LRRC49: variants seen among roughly 807,000 people sequenced by gnomAD.
LRRC49 encodes leucine-rich repeat-containing protein 49.
Under a neutral mutation model 83.3 loss-of-function variants are expected in LRRC49, and 50 were observed. The ratio of observed to expected loss-of-function variants is 0.60; its 90% CI spans 0.48 to 0.76. The LOEUF is 0.76. Ranked by LOEUF, LRRC49 falls within the 30% of genes least tolerant of loss-of-function variation. The pLI is 0.00. For synonymous variants in LRRC49, 286 were observed against 283.3 expected (o/e 1.01, Z -0.10); for missense variants, 704 against 809.1 (o/e 0.87, Z 1.58).
chr15:70,903,543 CTT>C (rs1486029437), intron 4 of LRRC49, among the ~76,000 whole-genome samples: 1 of 151,636 alleles, frequency 6.6e-6, no homozygotes, highest in Non-Finnish European at 1.5e-5. Context: ...TCTTTTTTCT[CTT>C]TATCAGGAAG....
chr15:71,019,271 C>G (rs1233802270), intron 14 of LRRC49, among the ~76,000 whole-genome samples: 2 of 152,136 alleles, frequency 1.3e-5, no homozygotes, highest in African/African-American at 4.8e-5. Context: ...AGTGACCAGC[C>G]CCCATCCTGA....
intron 5 of LRRC49, among the ~76,000 whole-genome samples, chr15:70,910,517 T>C (rs771204727): frequency 6.6e-6 from 1 of 152,154 alleles, no homozygotes; most frequent in Non-Finnish European, 1.5e-5. Flanking sequence ...GATAAATATA[T>C]GGTGATAAAG....
At chr15:70,892,609 C>T (rs755317145), upstream of LRRC49, 109 of 1,456,030 alleles carry the variant, frequency 7.5e-5, no homozygotes, top group Middle Eastern at 3.3e-3. Context: ...GTGTGGCCAG[C>T]CTCTTCCCCA....
chr15:70,892,616 C>T (rs1385565824), upstream of LRRC49: 14 of 1,450,860 alleles, frequency 9.6e-6, no homozygotes, highest in African/African-American at 5.7e-5. Flanking sequence ...CAGCCTCTTC[C>T]CCAGCTTATC....
At chr15:70,922,004 A>G (rs1191223170) in intron 7 of LRRC49, among the ~76,000 whole-genome samples, 1 of 152,174 alleles carries the variant, frequency 6.6e-6, no homozygotes, top group Non-Finnish European at 1.5e-5. Context: ...GAAGTGTCTT[A>G]TATCCAAAAG....
intron 11 of LRRC49, among the ~76,000 whole-genome samples, chr15:71,001,708 G>C (rs1200333786): frequency 6.7e-6 from 1 of 149,354 alleles, no homozygotes; most frequent in Non-Finnish European, 1.5e-5. Context: ...TTTTTTTTGT[G>C]AGACGGAGTC....
intron 11 of LRRC49, among the ~76,000 whole-genome samples, chr15:71,007,036 T>A (rs1010657450): frequency 6.6e-6 from 1 of 152,040 alleles, no homozygotes; most frequent in East Asian, 1.9e-4. Context: ...TAATAATCAT[T>A]GTCTTAAGTG....
intron 1 of LRRC49, chr15:70,853,912 C>T (rs2141063452): frequency 7.3e-7 from 1 of 1,374,724 alleles, no homozygotes; most frequent in East Asian, 3.1e-5. Flanking sequence ...TCGGCTCCTC[C>T]TCGCTCGCGC....
intron 9 of LRRC49, among the ~76,000 whole-genome samples, chr15:70,969,649 T>G (rs2036920447): frequency 6.6e-6 from 1 of 152,166 alleles, no homozygotes; most frequent in Admixed American, 6.5e-5. Context: ...TGTCCTCTCT[T>G]ATTTCCTTGA....
intron 2 of LRRC49, among the ~76,000 whole-genome samples, chr15:70,873,480 A>C (rs957321640): frequency 2.0e-5 from 3 of 152,112 alleles, no homozygotes; most frequent in Non-Finnish European, 4.4e-5. Flanking sequence ...AAATACAACC[A>C]TTGATTCATC....
At chr15:70,987,083 G>T (rs965309298) in intron 11 of LRRC49, among the ~76,000 whole-genome samples, 8 of 152,248 alleles carry the variant, frequency 5.3e-5, no homozygotes, top group African/African-American at 1.9e-4. Context: ...CAAGGATATT[G>T]GTCTAAAATT....
chr15:70,939,835 AT>A (rs1266387496), intron 8 of LRRC49, among the ~76,000 whole-genome samples: 11 of 146,368 alleles, frequency 7.5e-5, no homozygotes, highest in Non-Finnish European at 1.6e-4. Flanking sequence ...ATCACTGAAA[AT>A]TTTAAACTAG....
At chr15:70,892,757 T>C, upstream of LRRC49, 1 of 1,569,828 alleles carries the variant, frequency 6.4e-7, no homozygotes, top group Non-Finnish European at 8.6e-7. Flanking sequence ...TCGGGAGAGG[T>C]CCAGACCGGA....
At chr15:70,980,752 A>G (rs756243196) in intron 10 of LRRC49, among the ~76,000 whole-genome samples, 6 of 152,152 alleles carry the variant, frequency 3.9e-5, no homozygotes, top group Non-Finnish European at 8.8e-5. Flanking sequence ...ATTGCAAAGT[A>G]TAAGTAAAGG....
intron 8 of LRRC49, among the ~76,000 whole-genome samples, chr15:70,949,261 A>T (rs1294420330): frequency 6.6e-6 from 1 of 152,192 alleles, no homozygotes; most frequent in Non-Finnish European, 1.5e-5. Flanking sequence ...GAGTAACAAC[A>T]TTTTGGTCAA....
rs2141127716 is a variant in LRRC49 at position 70,915,210 on chromosome 15, A to G, written c.567+3612A>G. ...ATGATTCTGGCCTGTTGGGTTGCAA[A>G]CCAAGAAGCCAGATAATATTCTTAG... On this transcript the variant is annotated intron_variant, in intron 6 of 15. Transcript: ENST00000260382. Among the ~76,000 whole-genome samples the G allele has an allele frequency of 2.6e-5, 4 of 152,342 alleles. No individual in the cohort carries two copies. The Middle Eastern group carries it at 0.014, about 518-fold the overall frequency.
upstream of LRRC49, among the ~76,000 whole-genome samples, chr15:70,888,230 T>G (rs934581553): frequency 2.6e-5 from 4 of 152,086 alleles, no homozygotes; most frequent in Admixed American, 2.6e-4. Flanking sequence ...AGTCAAAATA[T>G]CCACAAACAT....
intron 2 of LRRC49, among the ~76,000 whole-genome samples, chr15:70,885,877 G>A (rs1263811697): frequency 2.0e-5 from 3 of 152,264 alleles, no homozygotes; most frequent in East Asian, 3.9e-4. Flanking sequence ...TCCAAGTGCA[G>A]TACGCACATT....
intron 6 of LRRC49, among the ~76,000 whole-genome samples, chr15:70,912,408 C>G (rs1036547415): frequency 6.6e-6 from 1 of 152,054 alleles, no homozygotes; most frequent in African/African-American, 2.4e-5. Flanking sequence ...AAATGTTTAA[C>G]TTTAAAAGAT....
Sources: gnomAD v4.1 joint callset for allele counts (sites outside exome capture counted in the v4.1 genomes callset) on GRCh38, gnomAD v4.1.1 for gene constraint, MANE v1.5 for transcripts, NCBI Gene and HGNC (gene_info 2026-07-23, HGNC 2026-07-21) for gene names.